The following ITGB6 variants were observed in gnomAD, a reference collection of about 807,000 sequenced individuals.
ITGB6 encodes integrin beta-6.
ITGB6 carries 80 observed loss-of-function variants against 84.5 expected under a neutral mutation model. The ratio of observed to expected loss-of-function variants is 0.95; its 90% CI spans 0.79 to 1.14. The LOEUF (loss-of-function observed/expected upper bound fraction) is 1.14, where lower values mean the gene tolerates loss of function less well. Ranked by LOEUF, ITGB6 falls within the 50% of genes most tolerant of loss-of-function variation. The pLI, the probability that ITGB6 is intolerant of heterozygous loss-of-function variation, is 0.00. For synonymous variants in ITGB6, 383 were observed against 354.9 expected (o/e 1.08, Z -0.89); for missense variants, 1,006 against 968.0 (o/e 1.04, Z -0.52).
intron 7 of ITGB6, among the ~76,000 whole-genome samples, chr2:160,153,115 A>T (rs763452077): frequency 2.0e-5 from 3 of 152,194 alleles, no homozygotes; most frequent in Admixed American, 6.5e-5. Flanking sequence ...ATCAAAAAAG[A>T]GCCCGCACTG....
At chr2:160,166,903 C>T (rs954320645) in intron 7 of ITGB6, among the ~76,000 whole-genome samples, 1 of 152,182 alleles carries the variant, frequency 6.6e-6, no homozygotes, top group East Asian at 1.9e-4. Context: ...CATTCTACCA[C>T]AGTTACTAAA....
At chr2:160,199,087 A>C (rs1686451917) in intron 2 of ITGB6, 92 bp downstream of exon 2, 7 of 1,044,856 alleles carry the variant, frequency 6.7e-6, no homozygotes, top group Non-Finnish European at 7.4e-6. Flanking sequence ...CTCCACAAAA[A>C]AGCAAGTCAC....
intron 12 of ITGB6, among the ~76,000 whole-genome samples, chr2:160,115,660 G>A (rs1314879122): frequency 2.0e-5 from 3 of 152,240 alleles, no homozygotes; most frequent in Non-Finnish European, 4.4e-5. Context: ...AAGCTGGAGG[G>A]AGAATGACTT....
At chr2:160,180,900 C>T (rs1296431888) in intron 4 of ITGB6, among the ~76,000 whole-genome samples, 1 of 152,180 alleles carries the variant, frequency 6.6e-6, no homozygotes, top group Non-Finnish European at 1.5e-5. Flanking sequence ...GGAACTCCCT[C>T]CCCTAGCCAA....
intron 4 of ITGB6, among the ~76,000 whole-genome samples, chr2:160,185,677 C>G (rs1478585400): frequency 6.6e-6 from 1 of 152,060 alleles, no homozygotes. Context: ...CAATCCTAAG[C>G]AAAAGAACAA....
chr2:160,179,943 C>CA (rs60463723), intron 4 of ITGB6, among the ~76,000 whole-genome samples: 2,402 of 102,962 alleles, frequency 0.023, 35 homozygotes, highest in Non-Finnish European at 0.034. Context: ...ACTAAAAATA[C>CA]AAAAAAAAAA....
At chr2:160,114,575 G>A (rs1429835351) in intron 12 of ITGB6, among the ~76,000 whole-genome samples, 1 of 152,208 alleles carries the variant, frequency 6.6e-6, no homozygotes, top group Non-Finnish European at 1.5e-5. Context: ...CCCAGCGTGA[G>A]CAACGCAGAA....
chr2:160,113,258 CATT>C (rs985994053), intron 12 of ITGB6, among the ~76,000 whole-genome samples: 5 of 152,184 alleles, frequency 3.3e-5, no homozygotes, highest in African/African-American at 1.2e-4. Context: ...AAAATAAAAA[CATT>C]AATAAAGCAG....
intron 7 of ITGB6, among the ~76,000 whole-genome samples, chr2:160,155,799 G>GATT (rs1312831633): frequency 3.9e-5 from 6 of 152,220 alleles, no homozygotes; most frequent in African/African-American, 1.4e-4. Flanking sequence ...AATCAAAATG[G>GATT]ATATGCAAGT....
intron 7 of ITGB6, among the ~76,000 whole-genome samples, chr2:160,167,247 T>C (rs1388353215): frequency 6.6e-6 from 1 of 152,228 alleles, no homozygotes; most frequent in Non-Finnish European, 1.5e-5. Flanking sequence ...AAGCCATTAG[T>C]GGACCGTTTT....
intron 4 of ITGB6, among the ~76,000 whole-genome samples, chr2:160,182,884 G>T (rs1029757021): frequency 2.0e-5 from 3 of 152,068 alleles, no homozygotes; most frequent in Non-Finnish European, 2.9e-5. Flanking sequence ...TTCATATCTC[G>T]CCAAACTGAG....
intron 4 of ITGB6, among the ~76,000 whole-genome samples, chr2:160,179,219 G>C (rs1188054306): frequency 1.3e-5 from 2 of 151,254 alleles, no homozygotes; most frequent in Admixed American, 1.3e-4. Context: ...TATTAATATC[G>C]TCTTTTCCTG....
chr2:160,144,330 A>G (rs548805517), intron 7 of ITGB6, among the ~76,000 whole-genome samples: 61 of 152,326 alleles, frequency 4.0e-4, no homozygotes, highest in African/African-American at 1.4e-3. Context: ...CTGCCTGATG[A>G]TGGAGGACCC....
At position 160,195,241 on chromosome 2, in the gene ITGB6, T is replaced by G. The variant is rs796290514; in HGVS notation, c.593+128A>C. 18 of 1,183,688 alleles carry G rather than the reference T, an allele frequency of 1.5e-5. No individual in the cohort carries two copies. The African/African-American group carries it at 2.0e-4, about 13-fold the overall frequency. 73.3% of individuals were successfully genotyped at this position (1,183,688 alleles called of 1,614,324 possible). A position where few individuals can be genotyped will look rare whatever the true frequency, so the allele number is the denominator to read the frequency against. Reference sequence around the variant, plus strand: ...AAGCAACCTAGGCCTCTGAGAGAACTGCTGAGATCCAACCAGACAAGGCAG... The same window carrying G: ...AAGCAACCTAGGCCTCTGAGAGAACGGCTGAGATCCAACCAGACAAGGCAG... On this transcript the variant is annotated intron_variant, in intron 4 of 14. Coordinates refer to ENST00000283249, the MANE Select transcript of ITGB6 (RefSeq NM_000888.5).
At chr2:160,128,556 G>A (rs967745036) in intron 10 of ITGB6, among the ~76,000 whole-genome samples, 3 of 152,160 alleles carry the variant, frequency 2.0e-5, no homozygotes, top group Admixed American at 6.5e-5. Context: ...AAGAAGATAT[G>A]AGACCATGAA....
intron 4 of ITGB6, among the ~76,000 whole-genome samples, chr2:160,194,049 CG>C (rs1033159023): frequency 2.0e-5 from 3 of 152,026 alleles, no homozygotes; most frequent in African/African-American, 7.2e-5. Flanking sequence ...CTCAGCTACT[CG>C]GGAGGCTGAC....
chr2:160,141,233 G>A (rs1003053408), intron 8 of ITGB6, among the ~76,000 whole-genome samples: 1 of 151,176 alleles, frequency 6.6e-6, no homozygotes. Context: ...TTCTCTCTCT[G>A]TGTGTGTATT....
At chr2:160,104,656 C>A (rs774763732) in intron 14 of ITGB6, among the ~76,000 whole-genome samples, 1 of 152,254 alleles carries the variant, frequency 6.6e-6, no homozygotes, top group Admixed American at 6.5e-5. Flanking sequence ...TAGCACAGTA[C>A]AAAATCAATT....
At chr2:160,177,618 T>C (rs866035286) in intron 4 of ITGB6, among the ~76,000 whole-genome samples, 8 of 152,246 alleles carry the variant, frequency 5.3e-5, no homozygotes, top group African/African-American at 1.9e-4. Context: ...TTTTTCTTTG[T>C]AGTTTGTCTT....
Sources: allele counts gnomAD v4.1 joint callset (sites outside exome capture counted in the v4.1 genomes callset), GRCh38; gene constraint gnomAD v4.1.1; transcripts MANE v1.5; gene names NCBI Gene and HGNC (gene_info 2026-07-23, HGNC 2026-07-21).